NRIP2: variants seen among roughly 807,000 people sequenced by gnomAD.
NRIP2 encodes nuclear receptor interacting protein 2.
NRIP2 carries 27 observed loss-of-function variants against 34.1 expected under a neutral mutation model. That is an observed-to-expected ratio of 0.79 (90% CI 0.58 to 1.09). The LOEUF (loss-of-function observed/expected upper bound fraction) is 1.09, where lower values mean the gene tolerates loss of function less well. NRIP2 is among the 50% of genes least tolerant of loss of function. NRIP2 has a pLI of 0.00. For missense variants in NRIP2, 385 were observed against 352.6 expected (o/e 1.09, Z -0.74); for synonymous variants, 145 against 146.9 (o/e 0.99, Z 0.09).
rs1190809459 is a variant in NRIP2 at position 2,827,343 on chromosome 12, AC to A, written c.754-45del. 2 of 1,588,270 alleles carry A rather than the reference AC, an allele frequency of 1.3e-6. No individual in the cohort carries two copies. Among genetic ancestry groups the A allele is most frequent in the African/African-American group, 2.7e-5 (2 of 73,908 alleles). On this transcript the variant is annotated intron_variant, in intron 5 of 5. Transcript: ENST00000337508. The surrounding 1 kb of genome is among the most constrained non-coding windows in gnomAD (Gnocchi z 4.0). ...TCATGCCAGGTCACCTCAGCCCGCC[AC>A]CTGCCTCCCGGCCTGCTCCTTTTGT... is the stretch of plus-strand genomic sequence containing the variant.
chr12:2,834,746 T>G lies in NRIP2; in HGVS notation c.238A>C (p.Ser80Arg), dbSNP rs768940733. Residue 80 changes from serine (S) to arginine (R), a missense_variant, in exon 1 of 6, where the codon AGC becomes CGC. By Grantham distance (110) the Ser-to-Arg change is moderately radical. Coordinates refer to ENST00000337508, the MANE Select transcript of NRIP2 (RefSeq NM_031474.3). Reference sequence around the variant, plus strand: ...GCCTGTTTGAGCCGGCGCTGCTGGCTCAGGTGGGCTCGGTCTCGAAGCTGT... The same window carrying G: ...GCCTGTTTGAGCCGGCGCTGCTGGCGCAGGTGGGCTCGGTCTCGAAGCTGT... ...EAQLRDRAHLSQQRRLKQATQ... is the reference protein window; with the variant it reads ...EAQLRDRAHLRQQRRLKQATQ... 7 of 1,613,972 alleles carry G rather than the reference T, an allele frequency of 4.3e-6. No individual in the cohort carries two copies. The South Asian group carries it at 7.7e-5, about 18-fold the overall frequency.
Position 2,834,860 on chromosome 12 carries a change from G to A in NRIP2, c.124C>T (p.Pro42Ser). Residue 42 changes from proline (P) to serine (S), a missense_variant, in exon 1 of 6, where the codon CCC (proline) becomes TCC (serine). Coordinates refer to ENST00000337508, the MANE Select transcript of NRIP2 (RefSeq NM_031474.3). ...GCCCCTGCTGGAGGAGTGGGCCAGG[G>A]GCTGCTCGGTGGGGGCGTCACCGAG... ...EDSVTPPPSSPWPTPPAGAMS... is the reference protein window; with the variant it reads ...EDSVTPPPSSSWPTPPAGAMS... The A allele has an allele frequency of 6.2e-7, 1 of 1,613,762 alleles. No homozygotes were observed. The highest frequency in any genetic ancestry group is 8.5e-7 in the Non-Finnish European group (1 of 1,179,966).
chr12:2,827,246 C>T lies in NRIP2; in HGVS notation c.807G>A (p.Glu269=). The T allele has an allele frequency of 1.2e-6, 2 of 1,614,162 alleles. No individual in the cohort carries two copies. The highest frequency in any genetic ancestry group is 1.7e-6 in the Non-Finnish European group (2 of 1,180,022). ...GVLRLKAPFS[E]LPFLPLYQEP... ...CTTGGTACAAAGGCAGGAAGGGTAG[C>T]TCTGAGAACGGGGCTTTCAGCCGCA... The change falls in exon 6 of 6, where the codon GAG becomes GAA. Residue 269 remains glutamate (E), a synonymous_variant. Coordinates refer to ENST00000337508, the MANE Select transcript of NRIP2 (RefSeq NM_031474.3). This position sits in a 1 kb window ranked among gnomAD's most constrained non-coding sequence, Gnocchi z 4.0.
In NRIP2 at chr12:2,830,754, C is replaced by T; in HGVS notation, c.449G>A (p.Arg150Lys). Residue 150 changes from arginine to lysine, a missense_variant, in exon 2 of 6, where the codon AGG becomes AAG. Transcript: ENST00000337508. Reference protein sequence around the residue: ...QDLIHGQESRRKTSRTEIPAL... With the variant: ...QDLIHGQESRKKTSRTEIPAL... Reference sequence around the variant, plus strand: ...TGGAATCTCTGTCCTGCTGGTCTTCCTCCTGCTCTCCTGGCCATGAATCAG... The same window carrying T: ...TGGAATCTCTGTCCTGCTGGTCTTCTTCCTGCTCTCCTGGCCATGAATCAG... The T allele has an allele frequency of 6.2e-7, 1 of 1,613,928 alleles. No individual in the cohort carries two copies. The highest frequency in any genetic ancestry group is 1.3e-5 in the African/African-American group (1 of 75,036).
At chr12:2,831,199 C>T (rs1241443676) in intron 1 of NRIP2, among the ~76,000 whole-genome samples, 1 of 151,416 alleles carries the variant, frequency 6.6e-6, no homozygotes, top group African/African-American at 2.4e-5. Flanking sequence ...TTTTTTTTAA[C>T]TAGGAGGGTT....
At position 2,827,189 on chromosome 12, in the gene NRIP2, G is replaced by T; in HGVS notation, c.*18C>A. The T allele has an allele frequency of 1.2e-6, 2 of 1,613,980 alleles. No individual in the cohort carries two copies. The highest frequency in any genetic ancestry group is 2.2e-5 in the South Asian group (2 of 91,070). On this transcript the variant is annotated 3_prime_UTR_variant, in exon 6 of 6. Transcript: ENST00000337508. This position sits in a 1 kb window ranked among gnomAD's most constrained non-coding sequence, Gnocchi z 4.0. Reference sequence around the variant, plus strand: ...CTAAGGCAAGGTCTTTCCCTCTGGGGACTGACTGAGACAGCAGTCACTGGC... The same window carrying T: ...CTAAGGCAAGGTCTTTCCCTCTGGGTACTGACTGAGACAGCAGTCACTGGC...
At chr12:2,832,350 G>A (rs1555086871) in intron 1 of NRIP2, among the ~76,000 whole-genome samples, 1 of 151,900 alleles carries the variant, frequency 6.6e-6, no homozygotes, top group Non-Finnish European at 1.5e-5. Flanking sequence ...CTGCCACTCT[G>A]TTTATGGGCC....
At position 2,826,871 on chromosome 12, in the gene NRIP2, C is replaced by T; in HGVS notation, c.*336G>A. The T allele has an allele frequency of 1.7e-6, 1 of 605,070 alleles. No homozygotes were observed. Among genetic ancestry groups the T allele is most frequent in the Non-Finnish European group, 2.3e-6 (1 of 431,208 alleles). 37.5% of individuals were successfully genotyped at this position (605,070 alleles called of 1,614,324 possible). A position where few individuals can be genotyped will look rare whatever the true frequency, so the allele number is the denominator to read the frequency against. Reference sequence around the variant, plus strand: ...TTGGGTGATGGACAAGGACAGCAGTCAGCAGAGCCTTCGACCCAGCCCAAG... The same window carrying T: ...TTGGGTGATGGACAAGGACAGCAGTTAGCAGAGCCTTCGACCCAGCCCAAG... On this transcript the variant is annotated 3_prime_UTR_variant, in exon 6 of 6. Transcript: ENST00000337508.
Position 2,827,602 on chromosome 12 carries a change from C to G in NRIP2, c.753+23G>C. On this transcript the variant is annotated intron_variant, in intron 5 of 5. Transcript: ENST00000337508. This position sits in a 1 kb window ranked among gnomAD's most constrained non-coding sequence, Gnocchi z 4.0. ...ACTACTTTTTCCCAGTGCTTTGGGT[C>G]AGGCCCTGAGTGGGTGCCTTACCTT... The G allele has an allele frequency of 6.2e-7, 1 of 1,614,146 alleles. No individual in the cohort carries two copies. The highest frequency in any genetic ancestry group is 1.1e-5 in the South Asian group (1 of 91,070).
intron 1 of NRIP2, among the ~76,000 whole-genome samples, chr12:2,832,889 A>T (rs1449894417): frequency 6.6e-6 from 1 of 151,574 alleles, no homozygotes; most frequent in African/African-American, 2.4e-5. Context: ...TGCTCCTGGC[A>T]GCAAGGCTGC....
chr12:2,834,511 T>C (rs2098018496), intron 1 of NRIP2, 131 bp downstream of exon 1: 2 of 1,311,002 alleles, frequency 1.5e-6, no homozygotes, highest in Admixed American at 3.1e-5. Flanking sequence ...GGATGACCTC[T>C]CCCCATCTCA....
rs2097972813 is a variant in NRIP2 at position 2,827,301 on chromosome 12, T to C, written c.754-2A>G. 1 of 1,613,004 alleles carries C rather than the reference T, an allele frequency of 6.2e-7. No homozygotes were observed. Among genetic ancestry groups the C allele is most frequent in the Non-Finnish European group, 8.5e-7 (1 of 1,179,706 alleles). On this transcript the variant is annotated splice_acceptor_variant, in intron 5 of 5. Transcript: ENST00000337508. LOFTEE classifies it high-confidence loss of function. The surrounding 1 kb of genome is among the most constrained non-coding windows in gnomAD (Gnocchi z 4.0). Reference sequence around the variant, plus strand: ...TCCGTGCTCCAGGTCGATGCAGCACTGCGGGGTGTAGAGCAGTCATGCCAG... The same window carrying C: ...TCCGTGCTCCAGGTCGATGCAGCACCGCGGGGTGTAGAGCAGTCATGCCAG...
intron 1 of NRIP2, among the ~76,000 whole-genome samples, chr12:2,832,057 A>C (rs2098005908): frequency 6.6e-6 from 1 of 152,114 alleles, no homozygotes; most frequent in African/African-American, 2.4e-5. Flanking sequence ...TTGCTACTCC[A>C]AAATGTGGTC....
At position 2,827,780 on chromosome 12, in the gene NRIP2, C is replaced by T; in HGVS notation, c.701-103G>A. On this transcript the variant is annotated intron_variant, in intron 4 of 5. Transcript: ENST00000337508. The surrounding 1 kb of genome is among the most constrained non-coding windows in gnomAD (Gnocchi z 4.0). ...TTCTCTGCCCACCCCATCCCCAGAT[C>T]CGAGGACACTGGCACAGAGATGGGG... 7 of 1,606,530 alleles carry T rather than the reference C, an allele frequency of 4.4e-6. No individual in the cohort carries two copies. Among genetic ancestry groups the T allele is most frequent in the Non-Finnish European group, 5.1e-6 (6 of 1,176,852 alleles).
intron 1 of NRIP2, among the ~76,000 whole-genome samples, chr12:2,831,547 G>C (rs992366216): frequency 1.6e-4 from 25 of 151,600 alleles, no homozygotes; most frequent in Admixed American, 9.2e-4. Flanking sequence ...TCACACCACT[G>C]CACTCCAGTC....
At position 2,828,371 on chromosome 12, in the gene NRIP2, T is replaced by C; in HGVS notation, c.539A>G (p.Gln180Arg). The change falls in exon 3 of 6, where the codon CAA becomes CGA. Residue 180 changes from glutamine (Q) to arginine (R), a missense_variant. Transcript: ENST00000337508. ...LLRVAVDTGT[Q>R]YNRISAGCLS... ...ACATCCAGCAGAGATCCGATTGTAT[T>C]GGGTGCCTGTGTCAACGGCCACTCT... is the stretch of plus-strand genomic sequence containing the variant. The C allele has an allele frequency of 6.2e-7, 1 of 1,614,166 alleles. No individual in the cohort carries two copies. Among genetic ancestry groups the C allele is most frequent in the East Asian group, 2.2e-5 (1 of 44,874 alleles).
rs3814249 is a variant in NRIP2 at position 2,827,110 on chromosome 12, A to G, written c.*97T>C. On this transcript the variant is annotated 3_prime_UTR_variant, in exon 6 of 6. Coordinates refer to ENST00000337508, the MANE Select transcript of NRIP2 (RefSeq NM_031474.3). This position sits in a 1 kb window ranked among gnomAD's most constrained non-coding sequence, Gnocchi z 4.0. ...GGAGGTGATTGGAAGGGCAGACACC[A>G]TAGTCCCCAGCTACCTGGCTTCAAG... 0.17 allele frequency: 272,365 copies of G among 1,577,332 alleles called. 25,967 individuals are homozygous for G. The highest frequency in any genetic ancestry group is 0.37 in the South Asian group (32,151 of 86,778).
At chr12:2,832,872 T>A (rs2098010539) in intron 1 of NRIP2, among the ~76,000 whole-genome samples, 1 of 151,498 alleles carries the variant, frequency 6.6e-6, no homozygotes, top group African/African-American at 2.4e-5. Context: ...AATGAGGCCC[T>A]TGGGGTTGCT....
intron 1 of NRIP2, among the ~76,000 whole-genome samples, chr12:2,832,101 C>A (rs1304198187): frequency 6.6e-6 from 1 of 152,092 alleles, no homozygotes; most frequent in Non-Finnish European, 1.5e-5. Flanking sequence ...ATTTCGAAGC[C>A]TCTTAAAAAT....
Sources: gnomAD v4.1 joint callset for allele counts (sites outside exome capture counted in the v4.1 genomes callset) on GRCh38, gnomAD v4.1.1 for gene constraint, Gnocchi (gnomAD v3.1) non-coding constraint, MANE v1.5 for transcripts, NCBI Gene and HGNC (gene_info 2026-07-23, HGNC 2026-07-21) for gene names.